The following CHLSN variants were observed in gnomAD, a reference collection of about 807,000 sequenced individuals.
The protein encoded by CHLSN is cholesin, also known as protein cholesin.
chr7:1,047,839 C>T, the CHLSN span, among the ~76,000 whole-genome samples: 2 of 152,220 alleles, frequency 1.3e-5, no homozygotes, highest in Non-Finnish European at 2.9e-5. Context: ...CTCCTTTCTA[C>T]TCAGTGGGGA....
the CHLSN span, among the ~76,000 whole-genome samples, chr7:1,019,134 C>T: frequency 7.3e-6 from 1 of 136,060 alleles, no homozygotes; most frequent in Non-Finnish European, 1.5e-5. Flanking sequence ...GCAGAGGTTG[C>T]AGTAAGCCAA....
chr7:1,055,070 G>A, the CHLSN span, among the ~76,000 whole-genome samples: 4 of 137,040 alleles, frequency 2.9e-5, no homozygotes, highest in Non-Finnish European at 6.4e-5. Flanking sequence ...GCCCCGCAGC[G>A]ATGCAGACAG....
the CHLSN span, among the ~76,000 whole-genome samples, chr7:979,850 C>T: frequency 6.6e-6 from 1 of 152,180 alleles, no homozygotes; most frequent in East Asian, 1.9e-4. Context: ...AGGGCGCACA[C>T]TTTTTTCCGC....
chr7:1,103,194 TG>T, the CHLSN span, among the ~76,000 whole-genome samples: 2 of 152,316 alleles, frequency 1.3e-5, no homozygotes, highest in African/African-American at 4.8e-5. Context: ...GGCGTTTACG[TG>T]GCTATCCAAA....
chr7:986,739 A>C, the CHLSN span: 1 of 1,609,232 alleles, frequency 6.2e-7, no homozygotes, highest in East Asian at 2.2e-5. Flanking sequence ...CGGAGGCCCC[A>C]CGTGTGCCCG....
the CHLSN span, among the ~76,000 whole-genome samples, chr7:1,088,588 C>T: frequency 3.9e-5 from 6 of 152,204 alleles, no homozygotes; most frequent in South Asian, 2.1e-4. This position sits in a 1 kb window ranked among gnomAD's most constrained non-coding sequence, Gnocchi z 4.5. Context: ...TATTCCGTCA[C>T]GTTCTGTCCC....
the CHLSN span, chr7:987,627 CT>C: frequency 8.1e-7 from 1 of 1,229,986 alleles, no homozygotes; most frequent in African/African-American, 1.5e-5. Flanking sequence ...TGGTGGGTGC[CT>C]GATGGCCCAG....
chr7:1,050,837 G>A, the CHLSN span, among the ~76,000 whole-genome samples: 23 of 152,310 alleles, frequency 1.5e-4, no homozygotes, highest in Non-Finnish European at 2.8e-4. Context: ...ACAGGCGCTC[G>A]GCAGGGACCA....
At chr7:1,008,759 C>T in the CHLSN span, among the ~76,000 whole-genome samples, 79 of 152,254 alleles carry the variant, frequency 5.2e-4, no homozygotes, top group African/African-American at 1.8e-3. Flanking sequence ...TAAACACACA[C>T]GTGCATAAAC....
the CHLSN span, among the ~76,000 whole-genome samples, chr7:1,081,165 CACCAGG>C: frequency 6.6e-6 from 1 of 152,260 alleles, no homozygotes; most frequent in Non-Finnish European, 1.5e-5. Context: ...CATCCAGGGC[CACCAGG>C]GCCGGGGACG....
chr7:1,002,199 T>C, the CHLSN span, among the ~76,000 whole-genome samples: 3 of 64,518 alleles, frequency 4.6e-5, no homozygotes, highest in African/African-American at 6.9e-5. Context: ...GGGTGGGGAG[T>C]CCTGTGGGTG....
the CHLSN span, among the ~76,000 whole-genome samples, chr7:1,019,972 G>A: frequency 6.6e-6 from 1 of 152,254 alleles, no homozygotes; most frequent in African/African-American, 2.4e-5. Flanking sequence ...GACGAGGGCA[G>A]CTTAGGACGC....
chr7:1,024,605 G>A, the CHLSN span: 2 of 152,344 alleles, frequency 1.3e-5, no homozygotes, highest in African/African-American at 4.8e-5. Flanking sequence ...GCTAGGATGA[G>A]GGCGGGGAAC....
At chr7:1,081,184 G>A in the CHLSN span, among the ~76,000 whole-genome samples, 4 of 152,264 alleles carry the variant, frequency 2.6e-5, no homozygotes, top group Non-Finnish European at 5.9e-5. Context: ...CGGGGACGGT[G>A]CCGGGCAGTG....
chr7:1,027,189 C>T, the CHLSN span, among the ~76,000 whole-genome samples: 1 of 152,346 alleles, frequency 6.6e-6, no homozygotes, highest in African/African-American at 2.4e-5. Context: ...GAACTAAGTA[C>T]GGGTTAGGTT....
chr7:1,071,515 C>G, the CHLSN span, among the ~76,000 whole-genome samples: 15 of 152,224 alleles, frequency 9.9e-5, no homozygotes, highest in East Asian at 2.9e-3. Flanking sequence ...ACCACAAAAA[C>G]TGATGAGTCC....
At chr7:1,028,457 G>C in the CHLSN span, 1 of 985,454 alleles carries the variant, frequency 1.0e-6, no homozygotes, top group Non-Finnish European at 1.2e-6. Context: ...GGACCTCGGC[G>C]CGGGGGTGGG....
the CHLSN span, among the ~76,000 whole-genome samples, chr7:1,099,802 G>T: frequency 6.6e-6 from 1 of 152,224 alleles, no homozygotes; most frequent in African/African-American, 2.4e-5. Context: ...GCTGTGTGCT[G>T]TTCGCAGACA....
chr7:993,241 G>A, the CHLSN span, among the ~76,000 whole-genome samples: 691 of 152,322 alleles, frequency 4.5e-3, 3 homozygotes, highest in Middle Eastern at 0.038. Flanking sequence ...TGGAGAGAGC[G>A]CCCGTTCCCT....
Sources: gnomAD v4.1 joint callset for allele counts (sites outside exome capture counted in the v4.1 genomes callset) on GRCh38, gnomAD v4.1.1 for gene constraint, Gnocchi (gnomAD v3.1) non-coding constraint, MANE v1.5 for transcripts, NCBI Gene and HGNC (gene_info 2026-07-23, HGNC 2026-07-21) for gene names.